Variants in DNM3 observed in about 807,000 individuals in gnomAD.
DNM3 encodes the protein dynamin 3, also known as dynamin-3.
In DNM3, 47 loss-of-function variants were observed where a neutral mutation model predicts 101.6. The observed-to-expected ratio is 0.46, with a 90% CI of 0.37 to 0.59. The LOEUF (loss-of-function observed/expected upper bound fraction) is 0.59, where lower values mean the gene tolerates loss of function less well. Ranked by LOEUF, DNM3 falls within the 20% of genes least tolerant of loss-of-function variation. The probability of loss-of-function intolerance (pLI) is 0.00; values close to 1 mark genes in which losing one functional copy is unlikely to be tolerated. For missense variants in DNM3, 849 were observed against 1,085.7 expected, an observed-to-expected ratio of 0.78 and a Z score of 3.06; for synonymous variants, 385 against 387.9, an observed-to-expected ratio of 0.99 and a Z score of 0.09.
rs549276697 is a variant in DNM3, at chr1:172,113,253, T to C, written c.1546-17922T>C. Among the ~76,000 whole-genome samples the C allele has an allele frequency of 2.6e-5, 4 of 152,294 alleles. No homozygotes were observed. The East Asian group carries it at 7.7e-4, about 29-fold the overall frequency. On this transcript the variant is annotated intron_variant, in intron 13 of 20. Coordinates refer to ENST00000627582, the MANE Select transcript of DNM3 (RefSeq NM_015569.5). ...TTATCTTGGTAACGTTAACATTCCT[T>C]AACTTCCTGCTATGTGTGAGGCCCT...
chr1:172,377,553 C>CATATATATATATCT (rs2068668050), intron 17 of DNM3, among the ~76,000 whole-genome samples: 1 of 123,436 alleles, frequency 8.1e-6, no homozygotes, highest in African/African-American at 3.6e-5. Flanking sequence ...TGATATATAT[C>CATATATATATATCT]ATATATATAT....
Position 172,412,083 on chromosome 1 carries a change from GTA to G in DNM3, c.*4244_*4245del, listed in dbSNP as rs1331144495. On this transcript the variant is annotated 3_prime_UTR_variant, in exon 21 of 21. Coordinates refer to ENST00000627582, the MANE Select transcript of DNM3 (RefSeq NM_015569.5). ...TCTTTGTATATATGTAAGAATGTGT[GTA>G]TGTGTGAGAGCAAGAGAGAGGAAAC... 3.0e-6 allele frequency: 3 copies of G among 985,548 alleles called. No individual in the cohort carries two copies. The highest frequency in any genetic ancestry group is 3.6e-6 in the Non-Finnish European group (3 of 829,856). The allele number at this position is 985,548 out of a possible 1,614,324, so 61.1% of individuals were successfully genotyped here.
intron 1 of DNM3, among the ~76,000 whole-genome samples, chr1:171,868,340 A>G (rs1292417948): frequency 6.6e-6 from 1 of 152,060 alleles, no homozygotes; most frequent in Non-Finnish European, 1.5e-5. Flanking sequence ...AGCTCCTGGC[A>G]TGCCAGGCAT....
intron 1 of DNM3, among the ~76,000 whole-genome samples, chr1:171,892,537 A>G (rs981883828): frequency 3.9e-5 from 6 of 152,362 alleles, no homozygotes; most frequent in African/African-American, 1.4e-4. Flanking sequence ...CACCACATGG[A>G]TAATTCTAGC....
At chr1:171,938,291 C>A (rs1012549212) in intron 2 of DNM3, among the ~76,000 whole-genome samples, 7 of 151,874 alleles carry the variant, frequency 4.6e-5, no homozygotes, top group African/African-American at 7.3e-5. Context: ...ACATAACCAA[C>A]CCACCTTCCA....
intron 18 of DNM3, among the ~76,000 whole-genome samples, chr1:172,382,570 C>T (rs1573677892): frequency 6.6e-6 from 1 of 152,148 alleles, no homozygotes; most frequent in East Asian, 1.9e-4. Context: ...TCTTCTCACT[C>T]ATAGTCTGAT....
intron 17 of DNM3, among the ~76,000 whole-genome samples, chr1:172,340,498 C>T (rs1415774683): frequency 6.6e-6 from 1 of 152,200 alleles, no homozygotes; most frequent in Non-Finnish European, 1.5e-5. Context: ...TTTATGCTGA[C>T]CATTCTTAGG....
At chr1:172,367,184 G>T (rs2068064597) in intron 17 of DNM3, among the ~76,000 whole-genome samples, 1 of 151,396 alleles carries the variant, frequency 6.6e-6, no homozygotes, top group Non-Finnish European at 1.5e-5. Flanking sequence ...GGCTAGGAAA[G>T]AATGGGATGA....
At chr1:172,011,608 A>G (rs888060467) in intron 4 of DNM3, among the ~76,000 whole-genome samples, 2 of 152,036 alleles carry the variant, frequency 1.3e-5, no homozygotes, top group Non-Finnish European at 2.9e-5. Context: ...TAGTTTACAG[A>G]AGAAAGATAT....
intron 17 of DNM3, among the ~76,000 whole-genome samples, chr1:172,329,319 A>G (rs992062494): frequency 6.6e-6 from 1 of 152,150 alleles, no homozygotes; most frequent in African/African-American, 2.4e-5. Flanking sequence ...AGAAAAATTT[A>G]AATGTAAAAA....
At chr1:171,955,660 G>C (rs1360764841) in intron 2 of DNM3, among the ~76,000 whole-genome samples, 1 of 152,170 alleles carries the variant, frequency 6.6e-6, no homozygotes, top group East Asian at 1.9e-4. Context: ...ATAGGTGAGA[G>C]GCATAGGTAG....
intron 1 of DNM3, among the ~76,000 whole-genome samples, chr1:171,919,706 C>T (rs185467378): frequency 4.6e-5 from 7 of 152,034 alleles, no homozygotes; most frequent in Non-Finnish European, 2.9e-5. Context: ...TCTAATATAG[C>T]GCATGAAGAA....
rs186794585 is a variant in DNM3, at chr1:172,012,522, T to G, written c.590-19880T>G. On this transcript the variant is annotated intron_variant, in intron 4 of 20. Transcript: ENST00000627582. ...ATTTAAGTGTATGTGGATTCTTTTT[T>G]TTGTTGTTTCTTCATGTCTCAGTTT... 2.0e-5 allele frequency among the ~76,000 whole-genome samples: 3 copies of G among 152,166 alleles called. No individual in the cohort carries two copies. In the East Asian group the frequency reaches 5.8e-4, roughly 29 times the overall value.
chr1:172,174,155 G>T (rs2059069379), intron 14 of DNM3, among the ~76,000 whole-genome samples: 2 of 151,612 alleles, frequency 1.3e-5, no homozygotes, highest in African/African-American at 4.8e-5. Flanking sequence ...TATACACTCT[G>T]CAAAATGAAG....
At chr1:172,416,674 G>C (rs1407124819), downstream of DNM3, among the ~76,000 whole-genome samples, 3 of 152,264 alleles carry the variant, frequency 2.0e-5, no homozygotes, top group East Asian at 5.8e-4. Context: ...TCCCCACCCT[G>C]CTGAGGTCAT....
At chr1:172,202,256 TA>T (rs1255131181) in intron 14 of DNM3, among the ~76,000 whole-genome samples, 1 of 152,220 alleles carries the variant, frequency 6.6e-6, no homozygotes, top group African/African-American at 2.4e-5. Context: ...CTTCTGTTTT[TA>T]TTTAAAAGAG....
chr1:172,414,488 G>A (rs2071355996), downstream of DNM3, among the ~76,000 whole-genome samples: 1 of 152,210 alleles, frequency 6.6e-6, no homozygotes, highest in Admixed American at 6.5e-5. Flanking sequence ...TCCAAGAGAT[G>A]AGTAATGTCT....
Position 171,930,130 on chromosome 1 carries a change from G to A in DNM3, c.235+8309G>A, listed in dbSNP as rs1463634345. 2.6e-5 allele frequency among the ~76,000 whole-genome samples: 4 copies of A among 152,168 alleles called. No individual in the cohort carries two copies. The East Asian group carries it at 7.8e-4, about 30-fold the overall frequency. On this transcript the variant is annotated intron_variant, in intron 2 of 20. Transcript: ENST00000627582. ...AACCTGGCCACGTTTTTGTAGAATA[G>A]CCATGCTGTGCTGGGAGATCCCTTC...
intron 13 of DNM3, among the ~76,000 whole-genome samples, chr1:172,101,643 A>T (rs980923306): frequency 1.3e-5 from 2 of 152,168 alleles, no homozygotes; most frequent in Non-Finnish European, 2.9e-5. Context: ...AGTTTTACAG[A>T]TGGGAAAACT....
Sources: gnomAD v4.1 joint callset for allele counts (sites outside exome capture counted in the v4.1 genomes callset) on GRCh38, gnomAD v4.1.1 for gene constraint, MANE v1.5 for transcripts, NCBI Gene and HGNC (gene_info 2026-07-23, HGNC 2026-07-21) for gene names.